ADAMTS6: variants seen among roughly 807,000 people sequenced by gnomAD.
ADAMTS6 encodes the protein ADAM metallopeptidase with thrombospondin type 1 motif 6, also known as A disintegrin and metalloproteinase with thrombospondin motifs 6.
Under a neutral mutation model 144.3 loss-of-function variants are expected in ADAMTS6, and 23 were observed. That is an observed-to-expected ratio of 0.16 (90% CI 0.11 to 0.23). The LOEUF (loss-of-function observed/expected upper bound fraction) is 0.23. Among genes scored for constraint, ADAMTS6 ranks in the 10% least tolerant of loss-of-function variants. ADAMTS6 has a pLI of 1.00. For synonymous variants in ADAMTS6, 444 were observed against 457.5 expected (o/e 0.97, Z 0.38); for missense variants, 999 against 1,379.6 (o/e 0.72, Z 4.37).
intron 7 of ADAMTS6, among the ~76,000 whole-genome samples, chr5:65,375,172 G>T (rs1271840569): frequency 6.6e-6 from 1 of 152,166 alleles, no homozygotes; most frequent in Non-Finnish European, 1.5e-5. Context: ...AGAAAACCTA[G>T]GCTTTACCAT....
chr5:65,208,662 A>T (rs11953237), intron 20 of ADAMTS6, among the ~76,000 whole-genome samples: 50,491 of 152,038 alleles, frequency 0.33, 8,561 homozygotes, highest in Admixed American at 0.4. Context: ...TGCCTATCTT[A>T]TGGAGCTACT....
chr5:65,306,615 T>C (rs1743963912), intron 9 of ADAMTS6, among the ~76,000 whole-genome samples: 2 of 152,208 alleles, frequency 1.3e-5, no homozygotes, highest in Admixed American at 1.3e-4. Flanking sequence ...TCAAATTTAC[T>C]AGACAATGCC....
intron 7 of ADAMTS6, among the ~76,000 whole-genome samples, chr5:65,385,038 A>G (rs1580561725): frequency 6.6e-6 from 1 of 152,272 alleles, no homozygotes; most frequent in East Asian, 1.9e-4. Flanking sequence ...TTATAAGGGC[A>G]CTAATCCCAT....
intron 7 of ADAMTS6, among the ~76,000 whole-genome samples, chr5:65,388,767 C>T (rs551017533): frequency 2.8e-4 from 42 of 152,228 alleles, no homozygotes; most frequent in Middle Eastern, 3.4e-3. Flanking sequence ...AGTGTCAGTG[C>T]CTGCTTTGGC....
chr5:65,467,302 T>A (rs1219771388), intron 3 of ADAMTS6, among the ~76,000 whole-genome samples: 1 of 152,002 alleles, frequency 6.6e-6, no homozygotes, highest in Non-Finnish European at 1.5e-5. Context: ...ATAATTTTTT[T>A]AATTTCTCTA....
At position 65,236,145 on chromosome 5, in the gene ADAMTS6, T is replaced by C. The variant is rs373248800; in HGVS notation, c.1933+5959A>G. On this transcript the variant is annotated intron_variant, in intron 15 of 24. Transcript: ENST00000381055. ...CTCTCAATAATTGATAGAATGAGAG[T>C]AGAAAAAAATCAGAAAGAATATAAA... 2.8e-4 allele frequency among the ~76,000 whole-genome samples: 42 copies of C among 152,088 alleles called. No homozygotes were observed. In the East Asian group the frequency reaches 3.5e-3, roughly 13 times the overall value.
chr5:65,370,590 C>T lies in ADAMTS6; in HGVS notation c.1074-36505G>A, dbSNP rs534321483. Among the ~76,000 whole-genome samples the T allele has an allele frequency of 3.3e-5, 5 of 152,338 alleles. No individual in the cohort carries two copies. The East Asian group carries it at 5.8e-4, about 18-fold the overall frequency. ...GACGGGCTTAAAAAATGGCGCACCA[C>T]GAGATTATATCCCGCACCTGGATCG... is the stretch of plus-strand genomic sequence containing the variant. On this transcript the variant is annotated intron_variant, in intron 7 of 24. Coordinates refer to ENST00000381055, the MANE Select transcript of ADAMTS6 (RefSeq NM_197941.4).
chr5:65,390,295 C>T (rs930176872), intron 7 of ADAMTS6, among the ~76,000 whole-genome samples: 9 of 152,054 alleles, frequency 5.9e-5, no homozygotes, highest in African/African-American at 2.2e-4. Flanking sequence ...CCTGCCTAAA[C>T]AGTTCATAAG....
At chr5:65,303,817 T>G (rs1439240163) in intron 9 of ADAMTS6, among the ~76,000 whole-genome samples, 2 of 152,174 alleles carry the variant, frequency 1.3e-5, no homozygotes, top group African/African-American at 4.8e-5. Context: ...CTAATTGCTA[T>G]GGCATTTAGA....
intron 7 of ADAMTS6, among the ~76,000 whole-genome samples, chr5:65,439,662 A>C (rs2150230160): frequency 6.6e-6 from 1 of 152,264 alleles, no homozygotes; most frequent in Admixed American, 6.5e-5. Flanking sequence ...TAGTGGCCTG[A>C]GGGGGAAAAT....
intron 11 of ADAMTS6, among the ~76,000 whole-genome samples, chr5:65,273,789 A>C (rs1762241005): frequency 6.6e-6 from 1 of 152,180 alleles, no homozygotes; most frequent in African/African-American, 2.4e-5. Flanking sequence ...ATTACACTCA[A>C]GAATATACAA....
chr5:65,151,806 G>A lies in ADAMTS6; in HGVS notation c.*30C>T. Reference sequence around the variant, plus strand: ...GATGGATGCATTTCCATGATGAAATGACAAGGCACTCTCTCTGGCTTTCTG... The same window carrying A: ...GATGGATGCATTTCCATGATGAAATAACAAGGCACTCTCTCTGGCTTTCTG... On this transcript the variant is annotated 3_prime_UTR_variant, in exon 25 of 25. Transcript: ENST00000381055. 1.3e-6 allele frequency: 2 copies of A among 1,576,986 alleles called. No homozygotes were observed. The highest frequency in any genetic ancestry group is 1.3e-5 in the African/African-American group (1 of 74,198).
At chr5:65,372,316 T>C (rs1426301814) in intron 7 of ADAMTS6, among the ~76,000 whole-genome samples, 2 of 151,734 alleles carry the variant, frequency 1.3e-5, no homozygotes, top group Non-Finnish European at 2.9e-5. Context: ...ACTGGCAAAT[T>C]GGATAAAGAG....
intron 22 of ADAMTS6, among the ~76,000 whole-genome samples, chr5:65,181,379 G>C (rs560894439): frequency 6.6e-6 from 1 of 152,280 alleles, no homozygotes; most frequent in East Asian, 1.9e-4. Context: ...AAAGACTTAA[G>C]AGGATTTCTG....
intron 12 of ADAMTS6, among the ~76,000 whole-genome samples, chr5:65,269,768 T>G (rs888317385): frequency 6.6e-6 from 1 of 151,754 alleles, no homozygotes; most frequent in Non-Finnish European, 1.5e-5. Context: ...CTTAGCAACA[T>G]GTGATGGGCA....
chr5:65,225,194 T>A (rs1757639440), intron 16 of ADAMTS6, 147 bp from the exon 17 acceptor site: 1 of 979,330 alleles, frequency 1.0e-6, no homozygotes, highest in Admixed American at 3.3e-5. Context: ...CATACTTGGG[T>A]CTTTGTTATT....
chr5:65,325,125 T>C (rs564594374), intron 9 of ADAMTS6, among the ~76,000 whole-genome samples: 3 of 152,168 alleles, frequency 2.0e-5, no homozygotes, highest in South Asian at 2.1e-4. Context: ...GATCCATGGT[T>C]GTCTGGGGAT....
At chr5:65,479,822 A>G (rs1430353228) in intron 1 of ADAMTS6, among the ~76,000 whole-genome samples, 1 of 152,242 alleles carries the variant, frequency 6.6e-6, no homozygotes, top group Non-Finnish European at 1.5e-5. Flanking sequence ...TCTTCAGGCT[A>G]GAAGTTTTTC....
At chr5:65,291,252 A>G (rs1742271593) in intron 11 of ADAMTS6, 77 bp downstream of exon 11, 1 of 1,502,072 alleles carries the variant, frequency 6.7e-7, no homozygotes, top group Non-Finnish European at 8.9e-7. Flanking sequence ...ACCGACATTC[A>G]TCGTAATTCC....
Sources: allele counts gnomAD v4.1 joint callset (sites outside exome capture counted in the v4.1 genomes callset), GRCh38; gene constraint gnomAD v4.1.1; transcripts MANE v1.5; gene names NCBI Gene and HGNC (gene_info 2026-07-23, HGNC 2026-07-21).